ANO10: variants seen among roughly 807,000 people sequenced by gnomAD.
The protein encoded by ANO10 is anoctamin-10.
In ANO10, 77 loss-of-function variants were observed where a neutral mutation model predicts 74.7. The observed-to-expected ratio is 1.03, with a 90% CI of 0.86 to 1.25. The LOEUF is 1.25. Among genes scored for constraint, ANO10 ranks in the 50% most tolerant of loss-of-function variants. ANO10 has a pLI of 0.00. For synonymous variants in ANO10, 279 were observed against 284.9 expected, an observed-to-expected ratio of 0.98 and a Z score of 0.21; for missense variants, 721 against 778.1, an observed-to-expected ratio of 0.93 and a Z score of 0.87.
intron 12 of ANO10, among the ~76,000 whole-genome samples, chr3:43,419,996 A>G (rs1402774848): frequency 6.6e-6 from 1 of 152,242 alleles, no homozygotes; most frequent in African/African-American, 2.4e-5. Context: ...TAAGAGAAAG[A>G]AACAAATGAG....
intron 1 of ANO10, among the ~76,000 whole-genome samples, chr3:43,616,540 A>G (rs1210663396): frequency 6.6e-6 from 1 of 152,210 alleles, no homozygotes; most frequent in Non-Finnish European, 1.5e-5. Context: ...AATGAGAATC[A>G]TGTAGGTAGA....
intron 11 of ANO10, among the ~76,000 whole-genome samples, chr3:43,529,497 A>G (rs2078361051): frequency 6.6e-6 from 1 of 152,210 alleles, no homozygotes. Context: ...GAGAACTGCT[A>G]TACTGAAGAA....
At chr3:43,444,966 A>G (rs1234268436) in intron 11 of ANO10, among the ~76,000 whole-genome samples, 3 of 151,936 alleles carry the variant, frequency 2.0e-5, no homozygotes, top group Non-Finnish European at 2.9e-5. Context: ...TACTAAAAAT[A>G]CAAAAAATTA....
At chr3:43,493,548 AC>A (rs1436659146) in intron 11 of ANO10, among the ~76,000 whole-genome samples, 2 of 152,168 alleles carry the variant, frequency 1.3e-5, no homozygotes, top group Admixed American at 6.5e-5. Flanking sequence ...CCACATTTCC[AC>A]AAAAAAGGAC....
At chr3:43,592,758 C>T (rs755790719) in intron 4 of ANO10, among the ~76,000 whole-genome samples, 3 of 152,172 alleles carry the variant, frequency 2.0e-5, no homozygotes, top group Non-Finnish European at 2.9e-5. Context: ...ATGACTTTGA[C>T]GAGTTGAGAG....
At chr3:43,469,260 C>T (rs1340101435) in intron 11 of ANO10, among the ~76,000 whole-genome samples, 1 of 143,596 alleles carries the variant, frequency 7.0e-6, no homozygotes, top group African/African-American at 2.6e-5. Flanking sequence ...GTTGGCCAGG[C>T]TGGTCTCAAA....
chr3:43,428,291 C>A (rs555428412), intron 12 of ANO10, among the ~76,000 whole-genome samples: 1 of 152,094 alleles, frequency 6.6e-6, no homozygotes, highest in South Asian at 2.1e-4. Context: ...CTCAACTGAT[C>A]CACCCACCTC....
intron 4 of ANO10, among the ~76,000 whole-genome samples, chr3:43,597,944 CA>C (rs768516234): frequency 6.6e-6 from 1 of 150,932 alleles, no homozygotes; most frequent in Non-Finnish European, 1.5e-5. Context: ...ACAACAACAA[CA>C]AAAAAAACAG....
At chr3:43,541,439 C>T (rs1412946081) in intron 11 of ANO10, among the ~76,000 whole-genome samples, 1 of 152,138 alleles carries the variant, frequency 6.6e-6, no homozygotes, top group Non-Finnish European at 1.5e-5. Context: ...GAACCCAGAA[C>T]CTATGTTCTC....
At chr3:43,572,571 C>T (rs1311506368) in intron 7 of ANO10, among the ~76,000 whole-genome samples, 4 of 152,172 alleles carry the variant, frequency 2.6e-5, no homozygotes, top group Non-Finnish European at 4.4e-5. Flanking sequence ...AGCATGAACT[C>T]CCCTGCCCTG....
At chr3:43,545,363 T>TA (rs2079137823) in intron 11 of ANO10, among the ~76,000 whole-genome samples, 1 of 152,052 alleles carries the variant, frequency 6.6e-6, no homozygotes, top group African/African-American at 2.4e-5. Flanking sequence ...AATGATGGTT[T>TA]TTTTTTGTTT....
chr3:43,683,735 T>G (rs555265315), intron 1 of ANO10, among the ~76,000 whole-genome samples: 1 of 152,158 alleles, frequency 6.6e-6, no homozygotes, highest in East Asian at 1.9e-4. Context: ...AACAGAGATA[T>G]AGACCAATGG....
In ANO10 at chr3:43,676,828, T is replaced by A. The variant is rs141577277; in HGVS notation, c.-12+14689A>T. Among the ~76,000 whole-genome samples the A allele has an allele frequency of 8.4e-3, 1,270 of 151,280 alleles. 19 individuals carry two copies. Among genetic ancestry groups the A allele is most frequent in the African/African-American group, 0.029 (1,204 of 40,938 alleles). ...TTGTGAAAAAAATCTTGAATTAAAT[T>A]AACCAGATAATTTTTTTTTTTTACT... is the stretch of plus-strand genomic sequence containing the variant. On this transcript the variant is annotated intron_variant, in intron 1 of 3. Coordinates refer to the ANO10 transcript ENST00000413397.
At chr3:43,565,282 T>C (rs1031909148) in intron 8 of ANO10, among the ~76,000 whole-genome samples, 1 of 152,204 alleles carries the variant, frequency 6.6e-6, no homozygotes, top group Admixed American at 6.5e-5. Flanking sequence ...TAACAACTTA[T>C]TAACTTAAAA....
intron 1 of ANO10, among the ~76,000 whole-genome samples, chr3:43,608,174 AAG>A (rs1180345700): frequency 1.3e-5 from 2 of 152,218 alleles, no homozygotes; most frequent in Non-Finnish European, 1.5e-5. Context: ...CAGAAAAGCC[AAG>A]AGAGAGAAAA....
chr3:43,621,705 C>G (rs2083401062), intron 1 of ANO10: 1 of 152,888 alleles, frequency 6.5e-6, no homozygotes, highest in Non-Finnish European at 1.5e-5. Context: ...AACACCTTCA[C>G]TCGTCCCTGC....
chr3:43,386,066 G>GA (rs2092107233), intron 12 of ANO10, among the ~76,000 whole-genome samples: 1 of 152,208 alleles, frequency 6.6e-6, no homozygotes, highest in East Asian at 1.9e-4. Context: ...TGGACAAGGG[G>GA]GGAATAAACT....
intron 1 of ANO10, among the ~76,000 whole-genome samples, chr3:43,668,707 T>C (rs1160682148): frequency 3.9e-5 from 6 of 152,188 alleles, no homozygotes; most frequent in South Asian, 2.1e-4. Context: ...TTTGTGTTTT[T>C]GTATGCTTTG....
At chr3:43,440,604 T>C (rs1272637383) in intron 11 of ANO10, among the ~76,000 whole-genome samples, 2 of 151,980 alleles carry the variant, frequency 1.3e-5, no homozygotes, top group Non-Finnish European at 2.9e-5. Context: ...AATACCGTAA[T>C]AGTAGGAGAT....
Sources: allele counts gnomAD v4.1 joint callset (sites outside exome capture counted in the v4.1 genomes callset), GRCh38; gene constraint gnomAD v4.1.1; transcripts MANE v1.5; gene names NCBI Gene and HGNC (gene_info 2026-07-23, HGNC 2026-07-21).